The following CC2D2A variants were observed in gnomAD, a reference collection of about 807,000 sequenced individuals.
CC2D2A encodes coiled-coil and C2 domain containing 2A.
In CC2D2A, 155 loss-of-function variants were observed where a neutral mutation model predicts 212.9. The observed-to-expected ratio is 0.73, with a 90% CI of 0.64 to 0.83. The LOEUF is 0.83. Ranked by LOEUF, CC2D2A falls within the 40% of genes least tolerant of loss-of-function variation. The pLI, the probability that CC2D2A is intolerant of heterozygous loss-of-function variation, is 0.00. For synonymous variants in CC2D2A, 667 were observed against 686.5 expected, an observed-to-expected ratio of 0.97 and a Z score of 0.44; for missense variants, 1,856 against 1,956.2, an observed-to-expected ratio of 0.95 and a Z score of 0.97.
Position 15,477,041 on chromosome 4 carries a change from G to A in CC2D2A, c.39+1070G>A, listed in dbSNP as rs1015577965. On this transcript the variant is annotated intron_variant, in intron 2 of 36. Coordinates refer to ENST00000424120, the MANE Select transcript of CC2D2A (RefSeq NM_001378615.1). The stretch of plus-strand genomic sequence containing the variant: ...AAGATGGCTGGGCACGGTGGCTCAC[G>A]CCTGTAATCCCAGCACTTTGGGAGG... 3.3e-5 allele frequency among the ~76,000 whole-genome samples: 5 copies of A among 152,144 alleles called. No individual in the cohort carries two copies. In the East Asian group the frequency reaches 5.8e-4, roughly 18 times the overall value.
chr4:15,500,107 G>GTGTATATATATATATATA (rs1479141284), intron 4 of CC2D2A, among the ~76,000 whole-genome samples: 2 of 112,932 alleles, frequency 1.8e-5, no homozygotes, highest in Non-Finnish European at 3.5e-5. Flanking sequence ...GTGTGTGTGT[G>GTGTATATATATATATATA]TATATATATA....
chr4:15,503,365 A>C (rs1271164591), intron 6 of CC2D2A, among the ~76,000 whole-genome samples: 1 of 152,128 alleles, frequency 6.6e-6, no homozygotes, highest in Non-Finnish European at 1.5e-5. Flanking sequence ...GCATTTTACC[A>C]CCTTTGTCCC....
intron 4 of CC2D2A, among the ~76,000 whole-genome samples, chr4:15,496,663 T>G (rs141002290): frequency 1.4e-4 from 21 of 152,126 alleles, no homozygotes; most frequent in Non-Finnish European, 2.9e-4. Flanking sequence ...GAATATAATT[T>G]CTGTAGCATC....
Position 15,483,641 on chromosome 4 carries a change from A to G in CC2D2A, c.247+2814A>G, listed in dbSNP as rs1432074968. ...CTTTATCTCACTTTTCTACTCAGAA[A>G]TCTATTATATTACATTACATAAAAT... On this transcript the variant is annotated intron_variant, in intron 4 of 36. Transcript: ENST00000424120. Among the ~76,000 whole-genome samples, 3 of 152,172 alleles carry G rather than the reference A, an allele frequency of 2.0e-5. No homozygotes were observed. In the East Asian group the frequency reaches 5.8e-4, roughly 29 times the overall value.
rs1222987792 is a variant in CC2D2A at position 15,553,444 on chromosome 4, A to C, written c.2486+139A>C. ...TATTTTCAAGAGTTTTTTATTCTTA[A>C]GGTAAAAACAAAAAATGTTTTATAA... On this transcript the variant is annotated intron_variant, in intron 19 of 36. Transcript: ENST00000424120. 3 of 977,586 alleles carry C rather than the reference A, an allele frequency of 3.1e-6. No homozygotes were observed. The African/African-American group carries it at 5.1e-5, about 16-fold the overall frequency. 60.6% of individuals were successfully genotyped at this position (977,586 alleles called of 1,614,324 possible).
At chr4:15,526,517 T>C (rs1278786527) in intron 11 of CC2D2A, among the ~76,000 whole-genome samples, 1 of 152,200 alleles carries the variant, frequency 6.6e-6, no homozygotes, top group East Asian at 1.9e-4. Context: ...TCTTTTCTGA[T>C]TAGAATTTTT....
At chr4:15,522,155 C>T (rs190197721) in intron 11 of CC2D2A, among the ~76,000 whole-genome samples, 52 of 152,318 alleles carry the variant, frequency 3.4e-4, no homozygotes, top group Admixed American at 3.1e-3. Flanking sequence ...GAGCTATTAT[C>T]ACACCACTGC....
At chr4:15,547,093 A>C (rs7697314) in intron 17 of CC2D2A, among the ~76,000 whole-genome samples, 62,856 of 152,056 alleles carry the variant, frequency 0.41, 13,164 homozygotes, top group East Asian at 0.49. Context: ...CATGCTGGTT[A>C]CATGCTATCA....
At chr4:15,561,988 T>C (rs1367599723) in intron 23 of CC2D2A, among the ~76,000 whole-genome samples, 1 of 152,186 alleles carries the variant, frequency 6.6e-6, no homozygotes, top group African/African-American at 2.4e-5. Context: ...GTAAATATTA[T>C]ATGCGTAAAG....
chr4:15,530,933 C>T (rs568525756), intron 13 of CC2D2A, among the ~76,000 whole-genome samples: 5 of 152,082 alleles, frequency 3.3e-5, no homozygotes, highest in East Asian at 1.9e-4. Flanking sequence ...ATCCTCTGAA[C>T]GGAAACCAGG....
chr4:15,600,629 G>C (rs12499412), intron 36 of CC2D2A, among the ~76,000 whole-genome samples: 54,974 of 151,938 alleles, frequency 0.36, 10,105 homozygotes, highest in South Asian at 0.46. Context: ...ATTGTCGGGC[G>C]CTATGGCTCA....
intron 26 of CC2D2A, 129 bp downstream of exon 26, chr4:15,567,915 G>A (rs1719968514): frequency 3.2e-6 from 2 of 629,450 alleles, no homozygotes; most frequent in Non-Finnish European, 5.4e-6. Flanking sequence ...CAGGTGTCCT[G>A]ACGCCAAGTC....
At chr4:15,600,039 G>A (rs1009543005) in intron 36 of CC2D2A, among the ~76,000 whole-genome samples, 1 of 152,070 alleles carries the variant, frequency 6.6e-6, no homozygotes, top group African/African-American at 2.4e-5. Context: ...TAAGGATATG[G>A]TTTTATACTG....
At chr4:15,540,490 T>C (rs983665254) in intron 16 of CC2D2A, among the ~76,000 whole-genome samples, 2 of 152,230 alleles carry the variant, frequency 1.3e-5, no homozygotes, top group Non-Finnish European at 2.9e-5. Flanking sequence ...AAATCATTAT[T>C]ATCCCCTTTG....
At chr4:15,595,184 C>T (rs1409122149) in intron 33 of CC2D2A, among the ~76,000 whole-genome samples, 1 of 152,100 alleles carries the variant, frequency 6.6e-6, no homozygotes, top group Non-Finnish European at 1.5e-5. Context: ...ACTGCTTTAT[C>T]CCCAGTAATT....
intron 28 of CC2D2A, among the ~76,000 whole-genome samples, chr4:15,572,127 TAATAAC>T (rs1720197710): frequency 6.6e-6 from 1 of 152,184 alleles, no homozygotes; most frequent in Non-Finnish European, 1.5e-5. Context: ...ATAATAATAT[TAATAAC>T]AATATTTATT....
chr4:15,550,894 C>T lies in CC2D2A; in HGVS notation c.2252C>T (p.Thr751Ile). 1.2e-6 allele frequency: 2 copies of T among 1,608,988 alleles called. No homozygotes were observed. Among genetic ancestry groups the T allele is most frequent in the South Asian group, 2.2e-5 (2 of 90,778 alleles). The change falls in exon 18 of 37, where the codon ACT (threonine) becomes ATT (isoleucine). Residue 751 changes from threonine to isoleucine, a missense_variant. Transcript: ENST00000424120. ...GTGTTTCTGCCTATTCCTGAGACTA[C>T]TGTTGTCACTGGAAGGGCTCCTACT... ...AEVFLPIPETTVVTGRAPTEE... is the reference protein window; with the variant it reads ...AEVFLPIPETIVVTGRAPTEE...
intron 20 of CC2D2A, among the ~76,000 whole-genome samples, 159 bp from the exon 21 acceptor site, chr4:15,557,145 A>C (rs915429605): frequency 6.6e-6 from 1 of 152,208 alleles, no homozygotes; most frequent in African/African-American, 2.4e-5. Flanking sequence ...TACTAAATGA[A>C]TATAATAGCA....
intron 24 of CC2D2A, among the ~76,000 whole-genome samples, chr4:15,565,177 T>A (rs1227710976): frequency 6.6e-6 from 1 of 152,120 alleles, no homozygotes; most frequent in Non-Finnish European, 1.5e-5. Context: ...TCAACTGGGG[T>A]GAAAAACTAT....
Sources: allele counts gnomAD v4.1 joint callset (sites outside exome capture counted in the v4.1 genomes callset), GRCh38; gene constraint gnomAD v4.1.1; transcripts MANE v1.5; gene names NCBI Gene and HGNC (gene_info 2026-07-23, HGNC 2026-07-21).